The following ZBTB44 variants were observed in gnomAD, a reference collection of about 807,000 sequenced individuals.
The protein encoded by ZBTB44 is zinc finger and BTB domain containing 44.
Under a neutral mutation model 54.0 loss-of-function variants are expected in ZBTB44, and 15 were observed. That is an observed-to-expected ratio of 0.28 (90% confidence interval 0.19 to 0.43). ZBTB44 has a LOEUF of 0.43. Among genes scored for constraint, ZBTB44 ranks in the 20% least tolerant of loss-of-function variants. The pLI is 1.00. For synonymous variants in ZBTB44, 230 were observed against 250.1 expected (o/e 0.92, Z 0.76); for missense variants, 487 against 707.1 (o/e 0.69, Z 3.53).
intron 2 of ZBTB44, among the ~76,000 whole-genome samples, chr11:130,241,017 T>G (rs1354668785): frequency 6.6e-6 from 1 of 152,252 alleles, no homozygotes; most frequent in Non-Finnish European, 1.5e-5. Flanking sequence ...TGTATTCTTT[T>G]GTCTTGCTTC....
chr11:130,271,253 G>T (rs1318876305), intron 1 of ZBTB44, among the ~76,000 whole-genome samples: 1 of 152,178 alleles, frequency 6.6e-6, no homozygotes, highest in African/African-American at 2.4e-5. Context: ...AAAAGCATCA[G>T]TATGAAATGA....
At chr11:130,284,373 T>C (rs866431629) in intron 1 of ZBTB44, among the ~76,000 whole-genome samples, 2 of 152,246 alleles carry the variant, frequency 1.3e-5, no homozygotes, top group Non-Finnish European at 1.5e-5. Flanking sequence ...ACTTTGGTAA[T>C]GTATAATTAC....
At position 130,314,450 on chromosome 11, in the gene ZBTB44, C is replaced by CGA. The variant is rs1170151723; in HGVS notation, c.-133_-132insTC. ...CCGCCAGGCTGGGGCGGCGAGGCGG[C>CGA]GGCGGCGGCGGCCCGGGGGGAGGGG... On this transcript the variant is annotated 5_prime_UTR_variant, in exon 1 of 8. Transcript: ENST00000357899. The CGA allele has an allele frequency of 6.9e-6, 1 of 145,428 alleles. No individual in the cohort carries two copies. Among genetic ancestry groups the CGA allele is most frequent in the Non-Finnish European group, 1.5e-5 (1 of 67,274 alleles). 9.0% of individuals were successfully genotyped at this position (145,428 alleles called of 1,614,324 possible).
At chr11:130,302,954 G>C (rs1942065983) in intron 1 of ZBTB44, among the ~76,000 whole-genome samples, 1 of 152,058 alleles carries the variant, frequency 6.6e-6, no homozygotes, top group African/African-American at 2.4e-5. Context: ...CAGCCTGGGG[G>C]ACCAGAGTGA....
rs539058599 is a variant in ZBTB44, at chr11:130,295,662, G to A, written c.-57+18713C>T. ...AAAAATGGGTTTTACCAACATGACT[G>A]AAATTCAGCATGAAAGTATCAGACC... On this transcript the variant is annotated intron_variant, in intron 1 of 7. Transcript: ENST00000357899. 115 of 1,249,294 alleles carry A rather than the reference G, an allele frequency of 9.2e-5. 1 individual carries two copies. The South Asian group carries it at 1.4e-3, about 15-fold the overall frequency. 77.4% of individuals were successfully genotyped at this position (1,249,294 alleles called of 1,614,324 possible). A position where few individuals can be genotyped will look rare whatever the true frequency, so the allele number is the denominator to read the frequency against.
chr11:130,277,596 T>C (rs182170063), intron 1 of ZBTB44, among the ~76,000 whole-genome samples: 6 of 152,334 alleles, frequency 3.9e-5, no homozygotes, highest in African/African-American at 1.2e-4. Flanking sequence ...CAGCATTACA[T>C]ATATGTATAT....
chr11:130,286,711 C>A (rs1157939127), intron 1 of ZBTB44, among the ~76,000 whole-genome samples: 1 of 152,182 alleles, frequency 6.6e-6, no homozygotes, highest in East Asian at 1.9e-4. Flanking sequence ...TTAACGTTGC[C>A]TGGAGACAGC....
intron 1 of ZBTB44, among the ~76,000 whole-genome samples, chr11:130,288,401 T>TA (rs1402913307): frequency 1.7e-4 from 25 of 150,550 alleles, no homozygotes; most frequent in African/African-American, 5.9e-4. Context: ...ATAAATAAAA[T>TA]AAAATAAAAA....
intron 1 of ZBTB44, among the ~76,000 whole-genome samples, chr11:130,274,470 T>C (rs1939907243): frequency 6.6e-6 from 1 of 152,206 alleles, no homozygotes; most frequent in Non-Finnish European, 1.5e-5. Flanking sequence ...CAGTCTGTTA[T>C]CACTGATTAT....
chr11:130,273,307 A>ATTTTTTTTTTTT (rs34506406), intron 1 of ZBTB44, among the ~76,000 whole-genome samples: 1 of 126,312 alleles, frequency 7.9e-6, no homozygotes, highest in Non-Finnish European at 1.6e-5. Flanking sequence ...TATTTTCTTA[A>ATTTTTTTTTTTT]TTTTTTTTTT....
intron 1 of ZBTB44, among the ~76,000 whole-genome samples, chr11:130,268,353 T>G (rs1440438217): frequency 1.3e-5 from 2 of 152,142 alleles, no homozygotes; most frequent in African/African-American, 4.8e-5. Context: ...TCCAGAGCAG[T>G]AGCACCCATC....
chr11:130,275,427 C>T (rs1939985127), intron 1 of ZBTB44, among the ~76,000 whole-genome samples: 1 of 152,204 alleles, frequency 6.6e-6, no homozygotes, highest in Non-Finnish European at 1.5e-5. Flanking sequence ...GATTCTCCTG[C>T]CTTGGCCTCC....
chr11:130,234,617 G>A (rs998502429), intron 5 of ZBTB44, among the ~76,000 whole-genome samples: 1 of 152,122 alleles, frequency 6.6e-6, no homozygotes, highest in Non-Finnish European at 1.5e-5. Context: ...AAGATCATCT[G>A]AGTAACTTTA....
At chr11:130,311,647 T>G (rs1305215420) in intron 1 of ZBTB44, among the ~76,000 whole-genome samples, 6 of 152,202 alleles carry the variant, frequency 3.9e-5, no homozygotes, top group African/African-American at 1.4e-4. Flanking sequence ...AAAAACCTTT[T>G]TCTTAGTTCT....
chr11:130,261,187 A>C lies in ZBTB44; in HGVS notation c.687T>G (p.Pro229=), dbSNP rs200461010. 147 of 1,613,926 alleles carry C rather than the reference A, an allele frequency of 9.1e-5. No individual in the cohort carries two copies. Among genetic ancestry groups the C allele is most frequent in the Non-Finnish European group, 1.2e-4 (139 of 1,179,910 alleles). ...NQPVDSSLAF[P]WTFPFGIDRR... ...GATCAATTCCAAAAGGAAAAGTCCA[A>C]GGAAAAGCTAAGGAAGAGTCAACTG... The change falls in exon 2 of 8, where the codon CCT becomes CCG. Residue 229 remains proline, a synonymous_variant. Transcript: ENST00000357899. The surrounding 1 kb of genome is among the most constrained non-coding windows in gnomAD (Gnocchi z 4.8).
intron 2 of ZBTB44, among the ~76,000 whole-genome samples, chr11:130,252,158 A>G (rs746852599): frequency 6.6e-6 from 1 of 152,354 alleles, no homozygotes; most frequent in East Asian, 1.9e-4. Flanking sequence ...TTAAACCAAC[A>G]AAGATCAAAA....
At chr11:130,233,062 C>T (rs1448955595) in intron 7 of ZBTB44, 17 of 411,442 alleles carry the variant, frequency 4.1e-5, no homozygotes, top group Non-Finnish European at 6.4e-5. Flanking sequence ...TTATTATGTC[C>T]AAAAGAGCAC....
chr11:130,274,451 G>A (rs1448626967), intron 1 of ZBTB44, among the ~76,000 whole-genome samples: 1 of 152,046 alleles, frequency 6.6e-6, no homozygotes, highest in Admixed American at 6.6e-5. Flanking sequence ...TCTTAGAAGG[G>A]GAAATTCCCA....
At chr11:130,255,664 AAAG>A (rs1938369972) in intron 2 of ZBTB44, among the ~76,000 whole-genome samples, 2 of 152,142 alleles carry the variant, frequency 1.3e-5, no homozygotes, top group Non-Finnish European at 2.9e-5. Flanking sequence ...CCAGATTAAT[AAAG>A]AAGAGAGAGA....
Sources: allele counts gnomAD v4.1 joint callset (sites outside exome capture counted in the v4.1 genomes callset), GRCh38; gene constraint gnomAD v4.1.1; non-coding constraint Gnocchi (gnomAD v3.1); transcripts MANE v1.5; gene names NCBI Gene and HGNC (gene_info 2026-07-23, HGNC 2026-07-21).